The following SLCO5A1 variants were observed in gnomAD, a reference collection of about 807,000 sequenced individuals.
The protein encoded by SLCO5A1 is organic anion transporter polypeptide-related protein 4.
Under a neutral mutation model 65.1 loss-of-function variants are expected in SLCO5A1, and 39 were observed. The observed-to-expected ratio is 0.60, with a 90% CI of 0.46 to 0.78. The LOEUF is 0.78. SLCO5A1 is among the 30% of genes least tolerant of loss of function. The pLI, the probability that SLCO5A1 is intolerant of heterozygous loss-of-function variation, is 0.00. For missense variants in SLCO5A1, 1,029 were observed against 1,069.4 expected (o/e 0.96, Z 0.53); for synonymous variants, 438 against 415.7 (o/e 1.05, Z -0.65).
chr8:69,799,984 T>C lies in SLCO5A1; in HGVS notation c.907+31783A>G, dbSNP rs1187999640. 1.3e-5 allele frequency among the ~76,000 whole-genome samples: 2 copies of C among 152,244 alleles called. 1 individual carries two copies. Among genetic ancestry groups the C allele is most frequent in the Non-Finnish European group, 2.9e-5 (2 of 68,040 alleles). ...TTTTTCAAATTAGATAATAATTTCC[T>C]GAAAATATTTTTCATGTTTTGGTAA... On this transcript the variant is annotated intron_variant, in intron 2 of 9. Transcript: ENST00000260126.
At chr8:69,696,034 T>C (rs1372604203) in intron 6 of SLCO5A1, among the ~76,000 whole-genome samples, 2 of 152,170 alleles carry the variant, frequency 1.3e-5, no homozygotes, top group Admixed American at 6.5e-5. Context: ...CCTGCTAAGA[T>C]TGGAACTCAT....
At chr8:69,711,429 C>T (rs577284087) in intron 5 of SLCO5A1, among the ~76,000 whole-genome samples, 1 of 152,186 alleles carries the variant, frequency 6.6e-6, no homozygotes, top group South Asian at 2.1e-4. Flanking sequence ...ACCTGGGGAG[C>T]GCAGGAGAAA....
chr8:69,672,780 A>AAAAG lies in SLCO5A1; in HGVS notation c.*85_*88dup, dbSNP rs1380977273. On this transcript the variant is annotated 3_prime_UTR_variant, in exon 10 of 10. Transcript: ENST00000260126. Reference sequence around the variant, plus strand: ...AGGATTGTGTCTGTAGAGGTTAAAAAAAAGAAAGAAAGAAAAGAAGGCACA... The same window carrying AAAAG: ...AGGATTGTGTCTGTAGAGGTTAAAAAAAAGAAAGAAAGAAAGAAAAGAAGGCACA... 1.6e-5 allele frequency: 23 copies of AAAAG among 1,408,538 alleles called. No individual in the cohort carries two copies. The highest frequency in any genetic ancestry group is 4.3e-5 in the South Asian group (3 of 69,888). The allele number at this position is 1,408,538 out of a possible 1,614,324, so 87.3% of individuals were successfully genotyped here.
chr8:69,761,913 G>GT (rs753204716), intron 2 of SLCO5A1, 38 bp from the exon 3 acceptor site: 75 of 1,606,488 alleles, frequency 4.7e-5, no homozygotes, highest in Non-Finnish European at 1.7e-6. Flanking sequence ...ATACAGCGAC[G>GT]TTTTATTACA....
chr8:69,740,529 A>ATAAATATG (rs1181733414), intron 4 of SLCO5A1, among the ~76,000 whole-genome samples: 1 of 152,162 alleles, frequency 6.6e-6, no homozygotes, highest in Non-Finnish European at 1.5e-5. Context: ...GTGTGTTTGT[A>ATAAATATG]TGTGGGTATA....
chr8:69,669,660 G>A lies in SLCO5A1; in HGVS notation c.*3209C>T, dbSNP rs1029456058. On this transcript the variant is annotated 3_prime_UTR_variant, in exon 10 of 10. Coordinates refer to ENST00000260126, the MANE Select transcript of SLCO5A1 (RefSeq NM_030958.3). Reference sequence around the variant, plus strand: ...TGAAACCCTCTCTCTACTAAAAATAGAAAAAAAATAGCTGGGTGTGGTGGC... The same window carrying A: ...TGAAACCCTCTCTCTACTAAAAATAAAAAAAAAATAGCTGGGTGTGGTGGC... 1 of 151,440 alleles carries A rather than the reference G, an allele frequency of 6.6e-6. No homozygotes were observed. The highest frequency in any genetic ancestry group is 1.5e-5 in the Non-Finnish European group (1 of 67,880). 9.4% of individuals were successfully genotyped at this position (151,440 alleles called of 1,614,324 possible).
At chr8:69,754,292 G>A (rs1817454354) in intron 4 of SLCO5A1, among the ~76,000 whole-genome samples, 1 of 152,194 alleles carries the variant, frequency 6.6e-6, no homozygotes, top group Non-Finnish European at 1.5e-5. Flanking sequence ...CATCTAAAAT[G>A]TAACTGGAAA....
chr8:69,701,623 T>G (rs1318174365), intron 6 of SLCO5A1, among the ~76,000 whole-genome samples: 2 of 152,174 alleles, frequency 1.3e-5, no homozygotes, highest in East Asian at 3.8e-4. Flanking sequence ...AGGAAATTTT[T>G]TAATCTACCT....
intron 9 of SLCO5A1, among the ~76,000 whole-genome samples, chr8:69,673,870 C>G (rs992573497): frequency 6.6e-6 from 1 of 152,250 alleles, no homozygotes. Context: ...TGTAAAAGCA[C>G]TTATAAATCT....
chr8:69,737,489 A>C (rs965883760), intron 5 of SLCO5A1, among the ~76,000 whole-genome samples: 1 of 152,218 alleles, frequency 6.6e-6, no homozygotes, highest in Admixed American at 6.5e-5. Flanking sequence ...TTATGAAAGA[A>C]GATTTTAAGC....
chr8:69,812,844 A>G (rs1365879741), intron 2 of SLCO5A1, among the ~76,000 whole-genome samples: 1 of 152,214 alleles, frequency 6.6e-6, no homozygotes, highest in East Asian at 1.9e-4. Context: ...TGTTAGATTT[A>G]TGTATATCTT....
chr8:69,695,133 T>C (rs1022315117), intron 6 of SLCO5A1, among the ~76,000 whole-genome samples: 1 of 152,232 alleles, frequency 6.6e-6, no homozygotes, highest in Non-Finnish European at 1.5e-5. Flanking sequence ...CTAGGAAATA[T>C]GAGAAACTTC....
intron 2 of SLCO5A1, among the ~76,000 whole-genome samples, chr8:69,825,694 G>T (rs944993271): frequency 2.0e-5 from 3 of 152,052 alleles, no homozygotes; most frequent in African/African-American, 7.2e-5. Flanking sequence ...CGTGAAAATG[G>T]CCATACTGCC....
intron 1 of SLCO5A1, chr8:69,833,569 C>G (rs2130933337): frequency 6.6e-6 from 1 of 152,352 alleles, no homozygotes; most frequent in African/African-American, 2.4e-5. Context: ...CCCAAAAGAA[C>G]AAAGGAAACT....
intron 5 of SLCO5A1, among the ~76,000 whole-genome samples, chr8:69,706,882 T>A (rs1337362996): frequency 1.3e-5 from 2 of 152,180 alleles, no homozygotes; most frequent in East Asian, 3.8e-4. Flanking sequence ...ATGCAGTGGC[T>A]CACATCTGTA....
At chr8:69,695,690 A>T (rs75014715) in intron 6 of SLCO5A1, among the ~76,000 whole-genome samples, 4 of 152,268 alleles carry the variant, frequency 2.6e-5, no homozygotes, top group Non-Finnish European at 5.9e-5. Context: ...CCAATTTTAT[A>T]TATGAGAAAC....
intron 2 of SLCO5A1, chr8:69,773,025 A>G: frequency 1.1e-6 from 1 of 937,274 alleles, no homozygotes; most frequent in Non-Finnish European, 1.3e-6. Flanking sequence ...GAGGACAGAG[A>G]AGGCTTCATG....
Position 69,831,204 on chromosome 8 carries a change from G to A in SLCO5A1, c.907+563C>T, listed in dbSNP as rs1821134657. Among the ~76,000 whole-genome samples the A allele has an allele frequency of 2.0e-5, 3 of 151,454 alleles. No homozygotes were observed. In the South Asian group the frequency reaches 6.3e-4, roughly 32 times the overall value. ...GAACCCAGGAGGCGGAGGTTGCAGTGAGCTGAGATCATGCCATTGCACTCC... is the reference window on the plus strand; with the variant it reads ...GAACCCAGGAGGCGGAGGTTGCAGTAAGCTGAGATCATGCCATTGCACTCC... On this transcript the variant is annotated intron_variant, in intron 2 of 9. Transcript: ENST00000260126.
chr8:69,818,446 A>G (rs1820492667), intron 2 of SLCO5A1, among the ~76,000 whole-genome samples: 1 of 152,224 alleles, frequency 6.6e-6, no homozygotes, highest in South Asian at 2.1e-4. Context: ...TCTTGACAAG[A>G]TCCCCTGAGA....
Sources: allele counts gnomAD v4.1 joint callset (sites outside exome capture counted in the v4.1 genomes callset), GRCh38; gene constraint gnomAD v4.1.1; transcripts MANE v1.5; gene names NCBI Gene and HGNC (gene_info 2026-07-23, HGNC 2026-07-21).